GRIN2A: variants seen among roughly 807,000 people sequenced by gnomAD.
GRIN2A encodes the protein glutamate receptor ionotropic, NMDA 2A.
Under a neutral mutation model 113.4 loss-of-function variants are expected in GRIN2A, and 22 were observed. That is an observed-to-expected ratio of 0.19 (90% confidence interval 0.14 to 0.28). The LOEUF (loss-of-function observed/expected upper bound fraction) is 0.28. Ranked by LOEUF, GRIN2A falls within the 10% of genes least tolerant of loss-of-function variation. The pLI is 1.00. For synonymous variants in GRIN2A, 827 were observed against 738.4 expected, an observed-to-expected ratio of 1.12 and a Z score of -1.94; for missense variants, 1,502 against 1,887.0, an observed-to-expected ratio of 0.80 and a Z score of 3.78.
At chr16:10,078,775 G>A (rs2047925248) in intron 2 of GRIN2A, among the ~76,000 whole-genome samples, 1 of 152,166 alleles carries the variant, frequency 6.6e-6, no homozygotes, top group Non-Finnish European at 1.5e-5. Context: ...GGGAGCTGAT[G>A]TCACCACTAC....
At chr16:10,099,129 G>A (rs776767248) in intron 2 of GRIN2A, among the ~76,000 whole-genome samples, 6 of 152,248 alleles carry the variant, frequency 3.9e-5, no homozygotes, top group Middle Eastern at 3.4e-3. Flanking sequence ...CATACCTTGT[G>A]CATCTGACCT....
rs188664319 is a variant in GRIN2A, at chr16:9,925,781, T to G, written c.1007+12178A>C. Among the ~76,000 whole-genome samples the G allele has an allele frequency of 7.2e-5, 11 of 152,324 alleles. No homozygotes were observed. In the East Asian group the frequency reaches 2.1e-3, roughly 29 times the overall value. On this transcript the variant is annotated intron_variant, in intron 3 of 12. Transcript: ENST00000330684. The stretch of plus-strand genomic sequence containing the variant: ...CATCTTGGTCTGAAGTAGCAGTCAA[T>G]AGAATGGAATTCATTGAAGGTAAAT...
intron 2 of GRIN2A, among the ~76,000 whole-genome samples, chr16:10,086,621 A>T (rs2048090673): frequency 6.6e-6 from 1 of 151,676 alleles, no homozygotes; most frequent in South Asian, 2.1e-4. Context: ...AAAAAAAAAA[A>T]AAAAAGGAAA....
At chr16:9,809,766 A>G (rs951858707) in intron 10 of GRIN2A, among the ~76,000 whole-genome samples, 1 of 152,256 alleles carries the variant, frequency 6.6e-6, no homozygotes, top group East Asian at 1.9e-4. Flanking sequence ...TACAGGTAAT[A>G]CACTCATAAA....
At chr16:10,104,021 T>C (rs1182649247) in intron 2 of GRIN2A, among the ~76,000 whole-genome samples, 4 of 152,362 alleles carry the variant, frequency 2.6e-5, no homozygotes, top group East Asian at 3.9e-4. Flanking sequence ...AGTTTATCAA[T>C]GTCCTTCTTA....
At chr16:9,915,968 A>G (rs2044241498) in intron 3 of GRIN2A, among the ~76,000 whole-genome samples, 1 of 152,208 alleles carries the variant, frequency 6.6e-6, no homozygotes, top group South Asian at 2.1e-4. Context: ...TTGTTAATTA[A>G]TCAACATCTG....
intron 4 of GRIN2A, among the ~76,000 whole-genome samples, chr16:9,873,987 G>C (rs2043315506): frequency 6.6e-6 from 1 of 152,178 alleles, no homozygotes; most frequent in Non-Finnish European, 1.5e-5. Context: ...AGAGGCCATT[G>C]GTTTCTATGA....
At chr16:10,090,471 T>G (rs1324903143) in intron 2 of GRIN2A, among the ~76,000 whole-genome samples, 3 of 152,202 alleles carry the variant, frequency 2.0e-5, no homozygotes, top group African/African-American at 7.2e-5. Context: ...TGGGAAAATT[T>G]GATATCAATA....
At chr16:10,071,342 C>T (rs1049710718) in intron 2 of GRIN2A, among the ~76,000 whole-genome samples, 3 of 152,060 alleles carry the variant, frequency 2.0e-5, no homozygotes, top group Non-Finnish European at 4.4e-5. Context: ...ACTGACAGAT[C>T]CAGTTGAAGT....
chr16:10,129,219 G>A (rs774894125), intron 2 of GRIN2A, among the ~76,000 whole-genome samples: 1 of 152,028 alleles, frequency 6.6e-6, no homozygotes, highest in Non-Finnish European at 1.5e-5. Context: ...GGGACTGCAG[G>A]TGTAAGCCAT....
At chr16:10,016,832 G>A (rs1196188493) in intron 2 of GRIN2A, among the ~76,000 whole-genome samples, 2 of 152,124 alleles carry the variant, frequency 1.3e-5, no homozygotes, top group East Asian at 1.9e-4. Flanking sequence ...GTGCAGACCA[G>A]AGCCACCCCA....
rs1356367683 is a variant in GRIN2A at position 10,180,826 on chromosome 16, C to T, written c.-18-397G>A. 1 of 271,686 alleles carries T rather than the reference C, an allele frequency of 3.7e-6. No individual in the cohort carries two copies. Among genetic ancestry groups the T allele is most frequent in the Non-Finnish European group, 7.1e-6 (1 of 140,966 alleles). The allele number at this position is 271,686 out of a possible 1,614,324, so 16.8% of individuals were successfully genotyped here. A position where few individuals can be genotyped will look rare whatever the true frequency, so the allele number is the denominator to read the frequency against. On this transcript the variant is annotated intron_variant, in intron 1 of 12. Transcript: ENST00000330684. This position sits in a 1 kb window ranked among gnomAD's most constrained non-coding sequence, Gnocchi z 7.0. ...AGGTGCACAGAATAAACCCTCCATC[C>T]AACCCCTCCCACCTGGGATAGAGAG... is the stretch of plus-strand genomic sequence containing the variant.
At chr16:10,169,919 A>G (rs1408107853) in intron 2 of GRIN2A, among the ~76,000 whole-genome samples, 1 of 152,162 alleles carries the variant, frequency 6.6e-6, no homozygotes, top group African/African-American at 2.4e-5. Context: ...TGGCCTCCAC[A>G]TATCCCCACT....
At chr16:10,029,897 T>A (rs1224995772) in intron 2 of GRIN2A, among the ~76,000 whole-genome samples, 1 of 152,156 alleles carries the variant, frequency 6.6e-6, no homozygotes, top group Non-Finnish European at 1.5e-5. Context: ...CTCAGGAGGC[T>A]GAGACAGGAG....
chr16:9,766,400 C>T (rs543193172), intron 12 of GRIN2A, among the ~76,000 whole-genome samples: 6 of 152,294 alleles, frequency 3.9e-5, no homozygotes, highest in South Asian at 2.1e-4. Flanking sequence ...CTCCAGCCTT[C>T]AAGGAACCGT....
rs571613847 is a variant in GRIN2A at position 10,116,992 on chromosome 16, G to T, written c.414+63006C>A. Among the ~76,000 whole-genome samples, 37 of 152,002 alleles carry T rather than the reference G, an allele frequency of 2.4e-4. 1 individual carries two copies. The highest frequency in any genetic ancestry group is 2.1e-3 in the Admixed American group (32 of 15,274). ...CATCTAAGCTTCAGGTGACCCTCAG[G>T]GTGGGCCAAGAGGATATGAGTGGGG... On this transcript the variant is annotated intron_variant, in intron 2 of 12. Coordinates refer to ENST00000330684, the MANE Select transcript of GRIN2A (RefSeq NM_001134407.3).
At chr16:10,104,548 T>C (rs1458357983) in intron 2 of GRIN2A, among the ~76,000 whole-genome samples, 1 of 152,230 alleles carries the variant, frequency 6.6e-6, no homozygotes, top group Non-Finnish European at 1.5e-5. Flanking sequence ...CACTCTTGCA[T>C]ATGGAAAGCT....
chr16:10,105,234 G>C (rs955828173), intron 2 of GRIN2A, among the ~76,000 whole-genome samples: 1 of 152,044 alleles, frequency 6.6e-6, no homozygotes, highest in Non-Finnish European at 1.5e-5. Context: ...TGCTGACCAC[G>C]ACCATTAAAA....
chr16:9,893,770 G>A (rs2043749350), intron 3 of GRIN2A, among the ~76,000 whole-genome samples: 1 of 152,072 alleles, frequency 6.6e-6, no homozygotes. Context: ...CCTGCCGGAA[G>A]GATATTTTCT....
Sources: allele counts gnomAD v4.1 joint callset (sites outside exome capture counted in the v4.1 genomes callset), GRCh38; gene constraint gnomAD v4.1.1; non-coding constraint Gnocchi (gnomAD v3.1); transcripts MANE v1.5; gene names NCBI Gene and HGNC (gene_info 2026-07-23, HGNC 2026-07-21).